MBD5: variants seen among roughly 807,000 people sequenced by gnomAD.
The protein encoded by MBD5 is methyl-CpG binding domain protein 5, also known as methyl-CpG-binding domain protein 5.
In MBD5, 13 loss-of-function variants were observed where a neutral mutation model predicts 117.3. That is an observed-to-expected ratio of 0.11 (90% CI 0.07 to 0.18). The LOEUF (loss-of-function observed/expected upper bound fraction) is 0.18, where lower values mean the gene tolerates loss of function less well. MBD5 is among the 10% of genes least tolerant of loss of function. The probability of loss-of-function intolerance (pLI) is 1.00; values close to 1 mark genes in which losing one functional copy is unlikely to be tolerated. For synonymous variants in MBD5, 727 were observed against 766.4 expected, an observed-to-expected ratio of 0.95 and a Z score of 0.85; for missense variants, 1,879 against 2,093.8, an observed-to-expected ratio of 0.90 and a Z score of 2.00.
intron 3 of MBD5, among the ~76,000 whole-genome samples, chr2:148,258,611 A>G (rs538645310): frequency 7.9e-4 from 120 of 152,220 alleles, no homozygotes; most frequent in African/African-American, 2.8e-3. Context: ...CTTTGAGGTA[A>G]AGCACCCGGG....
At chr2:148,417,104 T>G (rs1705442038) in intron 4 of MBD5, among the ~76,000 whole-genome samples, 1 of 152,118 alleles carries the variant, frequency 6.6e-6, no homozygotes, top group Non-Finnish European at 1.5e-5. Flanking sequence ...AACATACATG[T>G]GCAGGTATCT....
At chr2:148,052,520 T>C (rs1694740482) in intron 1 of MBD5, among the ~76,000 whole-genome samples, 1 of 152,146 alleles carries the variant, frequency 6.6e-6, no homozygotes, top group Non-Finnish European at 1.5e-5. Flanking sequence ...GAGATCTTTT[T>C]TATTGTGGGC....
At chr2:148,171,995 A>G (rs2105803529) in intron 1 of MBD5, among the ~76,000 whole-genome samples, 1 of 152,344 alleles carries the variant, frequency 6.6e-6, no homozygotes, top group Non-Finnish European at 1.5e-5. Flanking sequence ...CAGCATAGCA[A>G]GACCCCATCT....
At chr2:148,186,194 G>A (rs1698652524) in intron 2 of MBD5, among the ~76,000 whole-genome samples, 1 of 152,198 alleles carries the variant, frequency 6.6e-6, no homozygotes, top group Non-Finnish European at 1.5e-5. Flanking sequence ...ATTGAATCAT[G>A]GGGGCGGGTC....
intron 3 of MBD5, among the ~76,000 whole-genome samples, chr2:148,322,378 T>A (rs1188913376): frequency 6.6e-6 from 1 of 152,232 alleles, no homozygotes; most frequent in African/African-American, 2.4e-5. Flanking sequence ...ATTTTTCATT[T>A]TTCTATTTCC....
chr2:148,388,394 A>C (rs1003322225), intron 4 of MBD5, among the ~76,000 whole-genome samples: 1 of 152,164 alleles, frequency 6.6e-6, no homozygotes, highest in African/African-American at 2.4e-5. Flanking sequence ...AAAAGAATAC[A>C]ATGTTTTCCT....
intron 5 of MBD5, 123 bp downstream of exon 5, chr2:148,458,994 C>A: frequency 1.2e-6 from 1 of 801,942 alleles, no homozygotes; most frequent in Non-Finnish European, 2.2e-6. Flanking sequence ...GTGCTAGAAA[C>A]ATATGAGAAT....
At chr2:148,157,374 A>G (rs534453638) in intron 1 of MBD5, among the ~76,000 whole-genome samples, 3 of 151,288 alleles carry the variant, frequency 2.0e-5, no homozygotes, top group South Asian at 4.2e-4. Flanking sequence ...TAAATTTTCA[A>G]TTTCTGGTTA....
At chr2:148,025,296 C>G (rs1009417151) in intron 1 of MBD5, 1 of 151,986 alleles carries the variant, frequency 6.6e-6, no homozygotes, top group Non-Finnish European at 1.5e-5. Flanking sequence ...TTTATATTAA[C>G]TAAATGGATA....
intron 3 of MBD5, among the ~76,000 whole-genome samples, chr2:148,287,577 A>G (rs1276941330): frequency 6.6e-6 from 1 of 152,210 alleles, no homozygotes; most frequent in African/African-American, 2.4e-5. Context: ...TTGTGTTGCT[A>G]CAACAGAATA....
intron 2 of MBD5, among the ~76,000 whole-genome samples, chr2:148,206,656 C>G (rs1458573258): frequency 6.6e-6 from 1 of 152,062 alleles, no homozygotes; most frequent in Admixed American, 6.6e-5. Flanking sequence ...AGATTTCTGA[C>G]CAAATCATAG....
chr2:148,484,932 T>G (rs1171108358), intron 9 of MBD5, among the ~76,000 whole-genome samples: 1 of 152,216 alleles, frequency 6.6e-6, no homozygotes, highest in East Asian at 1.9e-4. Flanking sequence ...TATGTGTTTT[T>G]GATTTTATGA....
At chr2:148,508,003 T>C (rs2023383308) in intron 12 of MBD5, among the ~76,000 whole-genome samples, 1 of 152,176 alleles carries the variant, frequency 6.6e-6, no homozygotes, top group African/African-American at 2.4e-5. Flanking sequence ...CTTATGTTCA[T>C]ACAAAAGAAA....
rs72854817 is a variant in MBD5 at position 148,155,695 on chromosome 2, A to G, written c.-924-23005A>G. Among the ~76,000 whole-genome samples the G allele has an allele frequency of 2.7e-3, 404 of 152,324 alleles. 1 individual carries two copies. The highest frequency in any genetic ancestry group is 4.2e-3 in the Non-Finnish European group (288 of 68,032). On this transcript the variant is annotated intron_variant, in intron 1 of 13. Transcript: ENST00000642680. Reference sequence around the variant, plus strand: ...CTCATTCACAAGAGATTTATTGAATACCTTCTGTGTTCTAGGTCCTGTGCT... The same window carrying G: ...CTCATTCACAAGAGATTTATTGAATGCCTTCTGTGTTCTAGGTCCTGTGCT...
intron 1 of MBD5, chr2:148,062,408 A>G (rs1695061732): frequency 4.6e-5 from 7 of 151,884 alleles, no homozygotes; most frequent in Admixed American, 3.9e-4. Context: ...ATGTATAATA[A>G]TAGTATAAAT....
intron 2 of MBD5, among the ~76,000 whole-genome samples, chr2:148,200,400 T>A (rs527777623): frequency 6.6e-6 from 1 of 152,192 alleles, no homozygotes; most frequent in South Asian, 2.1e-4. Context: ...TGAACAGAAA[T>A]GTGATCTGGG....
chr2:148,121,015 G>T (rs775238277), intron 1 of MBD5, among the ~76,000 whole-genome samples: 4 of 152,060 alleles, frequency 2.6e-5, no homozygotes, highest in African/African-American at 4.8e-5. Context: ...CAATAGATTC[G>T]TCATTTTATA....
intron 3 of MBD5, among the ~76,000 whole-genome samples, chr2:148,235,818 G>A (rs923057026): frequency 3.3e-5 from 5 of 151,536 alleles, no homozygotes; most frequent in African/African-American, 1.2e-4. Context: ...GGGGTGGCGG[G>A]GACAGGCTCT....
At chr2:148,324,647 G>C (rs1214045378) in intron 3 of MBD5, among the ~76,000 whole-genome samples, 5 of 151,880 alleles carry the variant, frequency 3.3e-5, no homozygotes, top group Admixed American at 1.3e-4. Context: ...TCTGTTGTTG[G>C]TGTATAAGAA....
Sources: gnomAD v4.1 joint callset for allele counts (sites outside exome capture counted in the v4.1 genomes callset) on GRCh38, gnomAD v4.1.1 for gene constraint, MANE v1.5 for transcripts, NCBI Gene and HGNC (gene_info 2026-07-23, HGNC 2026-07-21) for gene names.